The following GALNTL6 variants were observed in gnomAD, a reference collection of about 807,000 sequenced individuals.
The protein encoded by GALNTL6 is polypeptide N-acetylgalactosaminyltransferase like 6, also known as polypeptide N-acetylgalactosaminyltransferase-like 6.
A neutral mutation model predicts 73.7 loss-of-function variants in GALNTL6; 46 were observed. The observed-to-expected ratio is 0.62, with a 90% CI of 0.49 to 0.80. The LOEUF (loss-of-function observed/expected upper bound fraction) is 0.80, where lower values mean the gene tolerates loss of function less well. Ranked by LOEUF, GALNTL6 falls within the 30% of genes least tolerant of loss-of-function variation. GALNTL6 has a pLI of 0.00. For missense variants in GALNTL6, 604 were observed against 755.0 expected, an observed-to-expected ratio of 0.80 and a Z score of 2.34; for synonymous variants, 259 against 263.7, an observed-to-expected ratio of 0.98 and a Z score of 0.17.
chr4:171,983,550 G>T (rs1433878218), intron 2 of GALNTL6, among the ~76,000 whole-genome samples: 1 of 151,824 alleles, frequency 6.6e-6, no homozygotes, highest in Non-Finnish European at 1.5e-5. Context: ...GGAGTGCAGT[G>T]GTGCCATCAC....
intron 11 of GALNTL6, among the ~76,000 whole-genome samples, chr4:173,010,349 T>C (rs1014877107): frequency 1.3e-5 from 2 of 152,228 alleles, no homozygotes; most frequent in African/African-American, 4.8e-5. Flanking sequence ...GATCTCGTTC[T>C]TCTTTATGGC....
chr4:172,815,162 G>A (rs1029578416), intron 7 of GALNTL6, among the ~76,000 whole-genome samples: 4 of 152,142 alleles, frequency 2.6e-5, no homozygotes, highest in Non-Finnish European at 1.5e-5. Flanking sequence ...GAGTGACAAG[G>A]TTGTGAGGTG....
intron 5 of GALNTL6, among the ~76,000 whole-genome samples, chr4:172,761,586 TC>T (rs1441276452): frequency 2.0e-5 from 3 of 152,150 alleles, no homozygotes; most frequent in African/African-American, 7.2e-5. Context: ...GGATGGATTT[TC>T]CCCATGCTAT....
At chr4:172,193,860 C>G (rs548990718) in intron 2 of GALNTL6, among the ~76,000 whole-genome samples, 9 of 151,686 alleles carry the variant, frequency 5.9e-5, no homozygotes, top group African/African-American at 2.2e-4. Context: ...AACTCCATCT[C>G]AAAAAAAGAA....
chr4:172,732,631 G>A (rs1019265068), intron 5 of GALNTL6, among the ~76,000 whole-genome samples: 1 of 151,670 alleles, frequency 6.6e-6, no homozygotes, highest in African/African-American at 2.4e-5. Context: ...CTTCCTTTTG[G>A]CTTAAATTAT....
intron 2 of GALNTL6, among the ~76,000 whole-genome samples, chr4:172,059,331 A>G (rs898969327): frequency 6.6e-6 from 1 of 152,170 alleles, no homozygotes; most frequent in African/African-American, 2.4e-5. Context: ...CAGATTTTCA[A>G]TTCCATTGTC....
intron 2 of GALNTL6, among the ~76,000 whole-genome samples, chr4:171,933,786 T>G (rs1738259844): frequency 6.6e-6 from 1 of 152,152 alleles, no homozygotes; most frequent in Admixed American, 6.5e-5. Flanking sequence ...AACATCAGAT[T>G]TACTATGTCA....
At chr4:172,379,841 C>T (rs1280602274) in intron 5 of GALNTL6, among the ~76,000 whole-genome samples, 3 of 152,116 alleles carry the variant, frequency 2.0e-5, no homozygotes, top group Non-Finnish European at 4.4e-5. Flanking sequence ...AGCCTCTGCT[C>T]ATACTTTTTG....
intron 8 of GALNTL6, among the ~76,000 whole-genome samples, chr4:172,889,660 T>C (rs1377712452): frequency 6.6e-6 from 1 of 152,220 alleles, no homozygotes; most frequent in Non-Finnish European, 1.5e-5. Context: ...GGTTTGCTTT[T>C]ATTTTATTGA....
At chr4:172,820,138 A>G (rs990790669) in intron 7 of GALNTL6, among the ~76,000 whole-genome samples, 1 of 152,214 alleles carries the variant, frequency 6.6e-6, no homozygotes, top group Non-Finnish European at 1.5e-5. Flanking sequence ...GCCTCTGTTC[A>G]TAAAGCCGTG....
At chr4:172,167,622 A>G (rs1230131909) in intron 2 of GALNTL6, among the ~76,000 whole-genome samples, 1 of 152,236 alleles carries the variant, frequency 6.6e-6, no homozygotes, top group Non-Finnish European at 1.5e-5. Context: ...ATTTATTTTT[A>G]GTAAGGTTTT....
chr4:172,351,203 CT>C (rs1179877140), intron 5 of GALNTL6, among the ~76,000 whole-genome samples: 1 of 103,130 alleles, frequency 9.7e-6, no homozygotes, highest in East Asian at 4.1e-4. Context: ...ATCTATCTAT[CT>C]ATCTATCTAT....
At chr4:173,016,044 C>T (rs1752769989) in intron 11 of GALNTL6, among the ~76,000 whole-genome samples, 1 of 152,236 alleles carries the variant, frequency 6.6e-6, no homozygotes, top group Admixed American at 6.5e-5. Flanking sequence ...GGTGCAAGCC[C>T]CAAGCCTTAG....
chr4:171,849,653 AATTT>A (rs1214417427), intron 2 of GALNTL6, among the ~76,000 whole-genome samples: 1 of 152,184 alleles, frequency 6.6e-6, no homozygotes, highest in African/African-American at 2.4e-5. Context: ...TAAAAATAAT[AATTT>A]ATTTATCTGT....
chr4:171,885,032 G>A (rs914884959), intron 2 of GALNTL6, among the ~76,000 whole-genome samples: 8 of 151,212 alleles, frequency 5.3e-5, no homozygotes, highest in African/African-American at 1.5e-4. Flanking sequence ...ACTCCAGCCT[G>A]GGCAACAGAG....
intron 5 of GALNTL6, among the ~76,000 whole-genome samples, chr4:172,764,719 C>G (rs1738308299): frequency 6.6e-6 from 1 of 151,998 alleles, no homozygotes; most frequent in South Asian, 2.1e-4. Flanking sequence ...GATTCTGTCT[C>G]AAAAATAGAA....
intron 7 of GALNTL6, among the ~76,000 whole-genome samples, chr4:172,875,850 G>A (rs965380796): frequency 6.6e-6 from 1 of 151,832 alleles, no homozygotes; most frequent in East Asian, 1.9e-4. Context: ...GACTAAGACT[G>A]AAAAAAGCTT....
intron 8 of GALNTL6, among the ~76,000 whole-genome samples, chr4:172,911,207 T>C (rs1579642609): frequency 6.6e-6 from 1 of 152,262 alleles, no homozygotes; most frequent in East Asian, 1.9e-4. Context: ...AATCTCATTT[T>C]ACGATTTTAC....
intron 2 of GALNTL6, among the ~76,000 whole-genome samples, chr4:172,027,887 G>A (rs1190405634): frequency 6.6e-6 from 1 of 152,136 alleles, no homozygotes; most frequent in Non-Finnish European, 1.5e-5. Flanking sequence ...TAGAACAGGT[G>A]AGGAAGCTGC....
Sources: allele counts gnomAD v4.1 joint callset (sites outside exome capture counted in the v4.1 genomes callset), GRCh38; gene constraint gnomAD v4.1.1; transcripts MANE v1.5; gene names NCBI Gene and HGNC (gene_info 2026-07-23, HGNC 2026-07-21).